Variants in DCT observed in about 807,000 individuals in gnomAD.
The protein encoded by DCT is dopachrome tautomerase.
A neutral mutation model predicts 53.0 loss-of-function variants in DCT; 47 were observed. The ratio of observed to expected loss-of-function variants is 0.89; its 90% confidence interval spans 0.70 to 1.13. DCT has a LOEUF of 1.13. Among genes scored for constraint, DCT ranks in the 50% most tolerant of loss-of-function variants. DCT has a pLI of 0.00. For missense variants in DCT, 669 were observed against 637.4 expected (o/e 1.05, Z -0.53); for synonymous variants, 244 against 237.0 (o/e 1.03, Z -0.27).
the DCT span, among the ~76,000 whole-genome samples, chr13:94,534,767 G>A: frequency 6.6e-6 from 1 of 152,232 alleles, no homozygotes; most frequent in Non-Finnish European, 1.5e-5. Flanking sequence ...TACCTTCTAG[G>A]GAGGGTGGGT....
At chr13:94,475,268 T>G (rs918505499) in intron 1 of DCT, among the ~76,000 whole-genome samples, 1 of 152,156 alleles carries the variant, frequency 6.6e-6, no homozygotes, top group Admixed American at 6.5e-5. Flanking sequence ...TGCCCTGAGA[T>G]TCAAAGAAAA....
At chr13:94,526,673 A>G in the DCT span, among the ~76,000 whole-genome samples, 1 of 152,140 alleles carries the variant, frequency 6.6e-6, no homozygotes, top group South Asian at 2.1e-4. Flanking sequence ...CCGAATAGGA[A>G]CAGCTCCAGT....
In DCT at chr13:94,440,032, C is replaced by T. The variant is rs1882175208; in HGVS notation, c.1426G>A (p.Val476Ile). 1 of 1,613,958 alleles carries T rather than the reference C, an allele frequency of 6.2e-7. No homozygotes were observed. The highest frequency in any genetic ancestry group is 1.7e-5 in the Admixed American group (1 of 59,994). ...ACCAAAGCCACCAGTGTTCCCATGA[C>T]TACTAAGAGAGTTGTGGGCCAACCT... ...TPGWPTTLLVVMGTLVALVGL... is the reference protein window; with the variant it reads ...TPGWPTTLLVIMGTLVALVGL... The change falls in exon 8 of 8, where the codon GTC (valine) becomes ATC (isoleucine). Residue 476 changes from valine to isoleucine, a missense_variant. Coordinates refer to ENST00000377028, the MANE Select transcript of DCT (RefSeq NM_001922.5).
chr13:94,504,093 GA>G, the DCT span, among the ~76,000 whole-genome samples: 1 of 152,318 alleles, frequency 6.6e-6, no homozygotes, highest in Non-Finnish European at 1.5e-5. Context: ...GCAAGACTTG[GA>G]ATTAATAAGA....
At chr13:94,522,754 GA>G in the DCT span, among the ~76,000 whole-genome samples, 6 of 152,200 alleles carry the variant, frequency 3.9e-5, no homozygotes, top group Admixed American at 3.9e-4. Context: ...CTGGGTGACA[GA>G]TGTCATTTTA....
At chr13:94,444,451 T>C (rs778449505) in intron 6 of DCT, 1 of 506,982 alleles carries the variant, frequency 2.0e-6, no homozygotes, top group Non-Finnish European at 3.9e-6. Flanking sequence ...AAAGGTAATG[T>C]ACAAAGTGCT....
At chr13:94,454,170 T>C (rs1227549591) in intron 6 of DCT, among the ~76,000 whole-genome samples, 1 of 152,202 alleles carries the variant, frequency 6.6e-6, no homozygotes, top group Non-Finnish European at 1.5e-5. Context: ...AAGACTACTG[T>C]ATGTTGTATT....
chr13:94,459,172 C>T (rs1883614253), intron 6 of DCT, among the ~76,000 whole-genome samples: 2 of 152,186 alleles, frequency 1.3e-5, no homozygotes, highest in South Asian at 4.1e-4. Context: ...AGCCACCATG[C>T]CTGGCAGTTT....
the DCT span, among the ~76,000 whole-genome samples, chr13:94,517,854 C>T: frequency 5.3e-5 from 8 of 152,192 alleles, no homozygotes; most frequent in East Asian, 1.5e-3. Context: ...TTAAAGAATG[C>T]TGGTAGCCAC....
chr13:94,455,021 G>A (rs1349914947), intron 6 of DCT, among the ~76,000 whole-genome samples: 2 of 152,010 alleles, frequency 1.3e-5, no homozygotes, highest in African/African-American at 4.8e-5. Flanking sequence ...TCTGAACCAC[G>A]GGATTTCTCA....
In DCT at chr13:94,438,584, G is replaced by A. The variant is rs1033531903; in HGVS notation, c.*1314C>T. On this transcript the variant is annotated 3_prime_UTR_variant, in exon 8 of 8. Transcript: ENST00000377028. The stretch of plus-strand genomic sequence containing the variant: ...GCCTCGACAGACAAGCCACGCCCTA[G>A]AACTTCAGTCTCACTCCTGATGCAC... 6 of 455,892 alleles carry A rather than the reference G, an allele frequency of 1.3e-5. No homozygotes were observed. Among genetic ancestry groups the A allele is most frequent in the South Asian group, 4.7e-5 (3 of 64,512 alleles). 28.2% of individuals were successfully genotyped at this position (455,892 alleles called of 1,614,324 possible). A position where few individuals can be genotyped will look rare whatever the true frequency, so the allele number is the denominator to read the frequency against.
chr13:94,499,356 C>T, the DCT span, among the ~76,000 whole-genome samples: 3 of 152,068 alleles, frequency 2.0e-5, no homozygotes, highest in Non-Finnish European at 2.9e-5. Flanking sequence ...ATTTAGCTTC[C>T]TGATTAAAAC....
chr13:94,536,018 A>G, the DCT span, among the ~76,000 whole-genome samples: 2 of 152,170 alleles, frequency 1.3e-5, no homozygotes, highest in Admixed American at 1.3e-4. Context: ...AACCCCTAAT[A>G]CCACAGAAAA....
chr13:94,522,975 G>A, the DCT span, among the ~76,000 whole-genome samples: 8 of 152,192 alleles, frequency 5.3e-5, no homozygotes, highest in African/African-American at 1.7e-4. Context: ...ACATCTGGGA[G>A]GAAGTTGAGA....
chr13:94,528,797 A>C, the DCT span, among the ~76,000 whole-genome samples: 38 of 142,510 alleles, frequency 2.7e-4, no homozygotes, highest in African/African-American at 1.0e-3. Context: ...AACAATATTA[A>C]CCTTAAATGT....
chr13:94,503,448 A>T, the DCT span, among the ~76,000 whole-genome samples: 3 of 128,552 alleles, frequency 2.3e-5, no homozygotes, highest in African/African-American at 8.8e-5. Context: ...AGAAAAGGAG[A>T]GGAGAGGAGG....
chr13:94,511,954 C>T, the DCT span, among the ~76,000 whole-genome samples: 1 of 151,906 alleles, frequency 6.6e-6, no homozygotes, highest in Non-Finnish European at 1.5e-5. Flanking sequence ...GCCTCCAACT[C>T]TGGGGCTCAA....
At chr13:94,455,381 T>TAGAG (rs56301019) in intron 6 of DCT, among the ~76,000 whole-genome samples, 42,501 of 141,554 alleles carry the variant, frequency 0.3, 6,637 homozygotes, top group Middle Eastern at 0.39. Flanking sequence ...GACTGTCTCT[T>TAGAG]AGAGAGAGAG....
the DCT span, among the ~76,000 whole-genome samples, chr13:94,512,756 A>C: frequency 3.3e-5 from 5 of 152,092 alleles, no homozygotes; most frequent in Admixed American, 2.6e-4. Flanking sequence ...ACACACACAC[A>C]CCCCATGTGT....
Sources: allele counts gnomAD v4.1 joint callset (sites outside exome capture counted in the v4.1 genomes callset), GRCh38; gene constraint gnomAD v4.1.1; transcripts MANE v1.5; gene names NCBI Gene and HGNC (gene_info 2026-07-23, HGNC 2026-07-21).